Variants in KICS2 observed in about 807,000 individuals in gnomAD.
The protein encoded by KICS2 is KICSTOR complex protein C12orf66.
A neutral mutation model predicts 31.4 loss-of-function variants in KICS2; 13 were observed. The ratio of observed to expected loss-of-function variants is 0.41; its 90% confidence interval spans 0.27 to 0.66. The LOEUF (loss-of-function observed/expected upper bound fraction) is 0.66, where lower values mean the gene tolerates loss of function less well. Among genes scored for constraint, KICS2 ranks in the 30% least tolerant of loss-of-function variants. The pLI, the probability that KICS2 is intolerant of heterozygous loss-of-function variation, is 0.28. For missense variants in KICS2, 455 were observed against 545.4 expected, an observed-to-expected ratio of 0.83 and a Z score of 1.65; for synonymous variants, 209 against 214.8, an observed-to-expected ratio of 0.97 and a Z score of 0.24.
At chr12:64,197,467 GA>G (rs1426988282) in intron 2 of KICS2, among the ~76,000 whole-genome samples, 1 of 150,776 alleles carries the variant, frequency 6.6e-6, no homozygotes, top group Non-Finnish European at 1.5e-5. Context: ...ACATGGAAAG[GA>G]ACAACCAGTA....
At chr12:64,186,688 T>C (rs1592375336), downstream of KICS2, 2 of 152,214 alleles carry the variant, frequency 1.3e-5, no homozygotes, top group South Asian at 4.1e-4. Flanking sequence ...GGTATGCAAG[T>C]AACAAGTTTG....
At chr12:64,188,202 G>A (rs2575294), downstream of KICS2, among the ~76,000 whole-genome samples, 1 of 152,192 alleles carries the variant, frequency 6.6e-6, no homozygotes, top group African/African-American at 2.4e-5. Context: ...TAAAGCAGAA[G>A]CTATGAGAAA....
Position 64,193,655 on chromosome 12 carries a change from A to G in KICS2, c.*187T>C. On this transcript the variant is annotated 3_prime_UTR_variant, in exon 3 of 3. Transcript: ENST00000398055. ...GTAGCCCATGACCACTTCCTAGATT[A>G]CTCTTTGGAAACTTAATTCAATTGG... 1 of 1,415,482 alleles carries G rather than the reference A, an allele frequency of 7.1e-7. No homozygotes were observed. The highest frequency in any genetic ancestry group is 9.2e-7 in the Non-Finnish European group (1 of 1,090,268). The allele number at this position is 1,415,482 out of a possible 1,614,324, so 87.7% of individuals were successfully genotyped here.
At position 64,192,606 on chromosome 12, in the gene KICS2, T is replaced by G; in HGVS notation, c.*1236A>C. The G allele has an allele frequency of 3.0e-6, 3 of 985,364 alleles. No homozygotes were observed. The highest frequency in any genetic ancestry group is 2.4e-6 in the Non-Finnish European group (2 of 829,872). The allele number at this position is 985,364 out of a possible 1,614,324, so 61.0% of individuals were successfully genotyped here. On this transcript the variant is annotated 3_prime_UTR_variant, in exon 3 of 3. Coordinates refer to ENST00000398055, the MANE Select transcript of KICS2 (RefSeq NM_152440.5). The stretch of plus-strand genomic sequence containing the variant: ...TATGACCATTACATTTCACACAAGC[T>G]TCAAAGGAACCATCAAACCAGTAAC...
chr12:64,216,924 C>G (rs1592389608), intron 1 of KICS2, among the ~76,000 whole-genome samples: 1 of 137,820 alleles, frequency 7.3e-6, no homozygotes, highest in African/African-American at 2.7e-5. Flanking sequence ...AGGTTTAAAA[C>G]AGTGATTTCT....
intron 2 of KICS2, among the ~76,000 whole-genome samples, chr12:64,203,972 A>G (rs2136696475): frequency 6.6e-6 from 1 of 152,388 alleles, no homozygotes; most frequent in South Asian, 2.1e-4. Context: ...TTGCAGGGAC[A>G]CGGATGAAGC....
downstream of KICS2, chr12:64,187,332 A>G (rs1027935639): frequency 1.2e-5 from 5 of 404,832 alleles, no homozygotes; most frequent in South Asian, 1.9e-4. Context: ...TAGAACCCTA[A>G]CCCCAGATTC....
At chr12:64,213,356 C>A (rs2037601189) in intron 2 of KICS2, among the ~76,000 whole-genome samples, 1 of 152,060 alleles carries the variant, frequency 6.6e-6, no homozygotes, top group African/African-American at 2.4e-5. Context: ...ATGATGCATA[C>A]ACAAAAGAAT....
intron 2 of KICS2, among the ~76,000 whole-genome samples, chr12:64,212,756 T>C (rs2037593127): frequency 6.6e-6 from 1 of 152,162 alleles, no homozygotes; most frequent in Admixed American, 6.5e-5. Context: ...TTTGCAATTT[T>C]TTATAGCATT....
intron 2 of KICS2, among the ~76,000 whole-genome samples, chr12:64,208,365 G>T (rs1298445424): frequency 6.6e-6 from 1 of 152,156 alleles, no homozygotes; most frequent in Non-Finnish European, 1.5e-5. Context: ...GCATTTGATG[G>T]GAGGTAGCAG....
At chr12:64,201,521 G>T (rs1320946017) in intron 2 of KICS2, among the ~76,000 whole-genome samples, 1 of 132,160 alleles carries the variant, frequency 7.6e-6, no homozygotes, top group Non-Finnish European at 1.6e-5. Flanking sequence ...CAAGTTAGTG[G>T]GTGCAGCGCA....
At chr12:64,189,435 T>G (rs1366909380), downstream of KICS2, among the ~76,000 whole-genome samples, 1 of 152,148 alleles carries the variant, frequency 6.6e-6, no homozygotes, top group Non-Finnish European at 1.5e-5. Flanking sequence ...TGATTAAACA[T>G]CTTGCTCTAA....
downstream of KICS2, chr12:64,186,631 T>C (rs1331393163): frequency 6.6e-6 from 1 of 152,234 alleles, no homozygotes; most frequent in Admixed American, 6.5e-5. Context: ...AGATATTCTT[T>C]TAAAAAATCA....
rs999034228 is a variant in KICS2, at chr12:64,193,761, C to G, written c.*81G>C. The G allele has an allele frequency of 1.1e-5, 16 of 1,484,872 alleles. No individual in the cohort carries two copies. The African/African-American group carries it at 1.7e-4, about 16-fold the overall frequency. 92.0% of individuals were successfully genotyped at this position (1,484,872 alleles called of 1,614,324 possible). ...TGAAAGAGGCATGAATGGATGTAAA[C>G]TCTATTCACAGACCACCGTAGATCA... On this transcript the variant is annotated 3_prime_UTR_variant, in exon 3 of 3. Transcript: ENST00000398055.
intron 2 of KICS2, among the ~76,000 whole-genome samples, chr12:64,203,579 C>T (rs1160621307): frequency 1.3e-5 from 2 of 152,080 alleles, no homozygotes; most frequent in African/African-American, 2.4e-5. Context: ...TTGATCACTT[C>T]ATTGTTAATG....
intron 2 of KICS2, among the ~76,000 whole-genome samples, chr12:64,194,905 A>G (rs1280138459): frequency 6.6e-6 from 1 of 151,850 alleles, no homozygotes; most frequent in Non-Finnish European, 1.5e-5. Flanking sequence ...TTTTCCTTTC[A>G]ACAACAGGAA....
intron 2 of KICS2, among the ~76,000 whole-genome samples, chr12:64,204,247 T>G (rs2037517179): frequency 6.6e-6 from 1 of 151,404 alleles, no homozygotes; most frequent in Non-Finnish European, 1.5e-5. Flanking sequence ...GGGAAAAGAG[T>G]TAATGCATGC....
At position 64,206,162 on chromosome 12, in the gene KICS2, C is replaced by T. The variant is rs1322395547; in HGVS notation, c.521+9516G>A. 2.6e-5 allele frequency among the ~76,000 whole-genome samples: 4 copies of T among 152,142 alleles called. No individual in the cohort carries two copies. In the East Asian group the frequency reaches 7.7e-4, roughly 29 times the overall value. On this transcript the variant is annotated intron_variant, in intron 2 of 2. Transcript: ENST00000398055. Reference sequence around the variant, plus strand: ...CTTGAATGCCTAGCCTCAAGCAATCCTCTTGCTTTAGCCTCCCAAAGTTCT... The same window carrying T: ...CTTGAATGCCTAGCCTCAAGCAATCTTCTTGCTTTAGCCTCCCAAAGTTCT...
At chr12:64,219,641 AGAAG>A (rs963268879) in intron 1 of KICS2, among the ~76,000 whole-genome samples, 1 of 152,214 alleles carries the variant, frequency 6.6e-6, no homozygotes. Context: ...CATGAAAGAA[AGAAG>A]GAAGGAAGGA....
Sources: gnomAD v4.1 joint callset for allele counts (sites outside exome capture counted in the v4.1 genomes callset) on GRCh38, gnomAD v4.1.1 for gene constraint, MANE v1.5 for transcripts, NCBI Gene and HGNC (gene_info 2026-07-23, HGNC 2026-07-21) for gene names.